The following SAA4 variants were observed in gnomAD, a reference collection of about 807,000 sequenced individuals.
SAA4 encodes the protein serum amyloid A4, constitutive.
SAA4 carries 8 observed loss-of-function variants against 11.2 expected under a neutral mutation model. The observed-to-expected ratio is 0.71, with a 90% confidence interval of 0.42 to 1.29. The LOEUF (loss-of-function observed/expected upper bound fraction) is 1.29. Ranked by LOEUF, SAA4 falls within the 50% of genes most tolerant of loss-of-function variation. The pLI is 0.01. For missense variants in SAA4, 171 were observed against 164.2 expected, an observed-to-expected ratio of 1.04 and a Z score of -0.23; for synonymous variants, 60 against 56.2, an observed-to-expected ratio of 1.07 and a Z score of -0.30.
At chr11:18,231,876 CTTTTTTTT>C (rs35974284) in intron 3 of SAA4, among the ~76,000 whole-genome samples, 1 of 70,672 alleles carries the variant, frequency 1.4e-5, no homozygotes, top group Non-Finnish European at 2.9e-5. Context: ...AGTGCTTTCC[CTTTTTTTT>C]TTTTTTTTTT....
intron 1 of SAA4, among the ~76,000 whole-genome samples, chr11:18,236,275 C>T (rs1857210279): frequency 6.7e-6 from 1 of 149,972 alleles, no homozygotes; most frequent in African/African-American, 2.5e-5. Flanking sequence ...TATGTTCGGC[C>T]CAGGCTAGTC....
intron 2 of SAA4, among the ~76,000 whole-genome samples, chr11:18,234,714 C>T (rs1857185459): frequency 6.6e-6 from 1 of 152,226 alleles, no homozygotes; most frequent in African/African-American, 2.4e-5. Flanking sequence ...TTATCTCTGG[C>T]ATGGCATGAC....
rs377121580 is a variant in SAA4, at chr11:18,235,920, G to A, written c.7C>T (p.Leu3Phe). The A allele has an allele frequency of 1.1e-5, 17 of 1,612,618 alleles. 1 individual carries two copies. In the South Asian group the frequency reaches 1.9e-4, roughly 18 times the overall value. The stretch of plus-strand genomic sequence containing the variant: ...GAGCAGAAAACAATGCCTGTGAAAA[G>A]CCTCATTGTGCTGAAGAGAAAGAAA... MR[L>F]FTGIVFCSLV... The change falls in exon 2 of 4, where the codon CTT (leucine) becomes TTT (phenylalanine). Residue 3 changes from leucine (L) to phenylalanine (F), a missense_variant. Physicochemically the swap from Leu to Phe is conservative, Grantham distance 22. Transcript: ENST00000278222.
chr11:18,235,160 A>C (rs1564902011), intron 2 of SAA4, among the ~76,000 whole-genome samples: 1 of 152,256 alleles, frequency 6.6e-6, no homozygotes, highest in Non-Finnish European at 1.5e-5. Flanking sequence ...ATAAAATTTC[A>C]ATTGAAAAAT....
rs368143078 is a variant in SAA4 at position 18,235,821 on chromosome 11, C to T, written c.91+15G>A. 6 of 1,612,254 alleles carry T rather than the reference C, an allele frequency of 3.7e-6. No homozygotes were observed. In the African/African-American group the frequency reaches 6.7e-5, roughly 18 times the overall value. On this transcript the variant is annotated intron_variant, in intron 2 of 3. Coordinates refer to ENST00000278222, the MANE Select transcript of SAA4 (RefSeq NM_006512.4). ...GAATCCTGGGTATGTGCCCTCCATC[C>T]TCCAGAGTTCTTACCTTGGAGAGCC... is the stretch of plus-strand genomic sequence containing the variant.
chr11:18,232,288 G>T, intron 3 of SAA4, 107 bp downstream of exon 3: 1 of 1,486,714 alleles, frequency 6.7e-7, no homozygotes, highest in South Asian at 1.4e-5. Flanking sequence ...CAGCCACCCA[G>T]ACCCCAGGAG....
intron 2 of SAA4, among the ~76,000 whole-genome samples, chr11:18,233,570 G>A (rs952376112): frequency 6.6e-6 from 1 of 152,074 alleles, no homozygotes; most frequent in Non-Finnish European, 1.5e-5. Context: ...GGAGTGCAGT[G>A]GTGTGATCAT....
intron 2 of SAA4, among the ~76,000 whole-genome samples, chr11:18,232,788 T>G (rs1190268402): frequency 6.6e-6 from 1 of 152,146 alleles, no homozygotes; most frequent in Non-Finnish European, 1.5e-5. Context: ...GGTCTGTGTG[T>G]GCTGTGTACA....
chr11:18,231,677 G>T lies in SAA4; in HGVS notation c.231-13C>A. On this transcript the variant is annotated splice_polypyrimidine_tract_variant and intron_variant, in intron 3 of 3. Coordinates refer to ENST00000278222, the MANE Select transcript of SAA4 (RefSeq NM_006512.4). Reference sequence around the variant, plus strand: ...GACCCTGGAACGGCTGCAACCCAAAGAAAGGAGACAGGAGATTAATCTCTT... The same window carrying T: ...GACCCTGGAACGGCTGCAACCCAAATAAAGGAGACAGGAGATTAATCTCTT... The T allele has an allele frequency of 6.2e-7, 1 of 1,606,392 alleles. No homozygotes were observed. The highest frequency in any genetic ancestry group is 1.1e-5 in the South Asian group (1 of 89,986).
chr11:18,236,537 A>G (rs1407764295), intron 1 of SAA4, among the ~76,000 whole-genome samples, 180 bp downstream of exon 1: 1 of 152,208 alleles, frequency 6.6e-6, no homozygotes, highest in Non-Finnish European at 1.5e-5. Flanking sequence ...TCAATTTGTC[A>G]CCCAATACAG....
Position 18,231,461 on chromosome 11 carries a change from G to T in SAA4, c.*41C>A. ...CCCTGTCTGGGGGGAGAAGTGTGTG[G>T]CTCACAGCCCAGTTTCCCTGAGAGC... On this transcript the variant is annotated 3_prime_UTR_variant, in exon 4 of 4. Coordinates refer to ENST00000278222, the MANE Select transcript of SAA4 (RefSeq NM_006512.4). 1.9e-6 allele frequency: 3 copies of T among 1,595,140 alleles called. No homozygotes were observed. Among genetic ancestry groups the T allele is most frequent in the Non-Finnish European group, 2.6e-6 (3 of 1,172,434 alleles).
At chr11:18,233,295 G>A (rs1590005393) in intron 2 of SAA4, among the ~76,000 whole-genome samples, 1 of 152,080 alleles carries the variant, frequency 6.6e-6, no homozygotes, top group Non-Finnish European at 1.5e-5. Context: ...CCTCCCTGGT[G>A]GACTAAATGA....
At chr11:18,231,816 A>T in intron 3 of SAA4, 152 bp from the exon 4 acceptor site, 1 of 987,074 alleles carries the variant, frequency 1.0e-6, no homozygotes, top group Non-Finnish European at 1.4e-6. Flanking sequence ...AAAACTATCA[A>T]TCTTCTTGGG....
chr11:18,232,336 C>T, intron 3 of SAA4, 59 bp downstream of exon 3: 1 of 1,587,718 alleles, frequency 6.3e-7, no homozygotes. Flanking sequence ...GTTCTCCTGA[C>T]TCTCAAGACA....
At chr11:18,231,692 A>G (rs1409766270) in intron 3 of SAA4, 28 bp from the exon 4 acceptor site, 5 of 1,597,100 alleles carry the variant, frequency 3.1e-6, no homozygotes, top group Non-Finnish European at 3.4e-6. Flanking sequence ...GAGACAGGAG[A>G]TTAATCTCTT....
At chr11:18,236,078 CTTTT>C (rs536302019) in intron 1 of SAA4, 148 bp from the exon 2 acceptor site, 1 of 784,322 alleles carries the variant, frequency 1.3e-6, no homozygotes, top group Non-Finnish European at 1.9e-6. Context: ...TTCTTTCTTT[CTTTT>C]TTTTTTCCTA....
intron 2 of SAA4, among the ~76,000 whole-genome samples, chr11:18,234,967 A>G (rs1857188776): frequency 6.6e-6 from 1 of 152,208 alleles, no homozygotes; most frequent in East Asian, 1.9e-4. Context: ...GTACTTTTAA[A>G]ACAAACACCG....
Position 18,232,390 on chromosome 11 carries a change from G to A in SAA4, c.230+5C>T. On this transcript the variant is annotated splice_donor_5th_base_variant and intron_variant, in intron 3 of 3. Coordinates refer to ENST00000278222, the MANE Select transcript of SAA4 (RefSeq NM_006512.4). ...CTCACTGGAGTCCCCGGGAATCTGT[G>A]TTACCTGATGAGTTTAGCAGCCCAG... The A allele has an allele frequency of 6.2e-7, 1 of 1,613,888 alleles. No individual in the cohort carries two copies. The highest frequency in any genetic ancestry group is 8.5e-7 in the Non-Finnish European group (1 of 1,179,938).
At position 18,235,999 on chromosome 11, in the gene SAA4, A is replaced by ATT. The variant is rs781765033; in HGVS notation, c.-4-71_-4-70dup. The ATT allele has an allele frequency of 1.4e-3, 1,979 of 1,394,008 alleles. 3 individuals carry two copies. Among genetic ancestry groups the ATT allele is most frequent in the South Asian group, 2.0e-3 (144 of 73,396 alleles). 86.4% of individuals were successfully genotyped at this position (1,394,008 alleles called of 1,614,324 possible). Reference sequence around the variant, plus strand: ...CACAGATCTATGTTTTGAGGACTGAATTTCTTTCCTTTTTTTCTTTCTTTT... The same window carrying ATT: ...CACAGATCTATGTTTTGAGGACTGAATTTTTCTTTCCTTTTTTTCTTTCTTTT... On this transcript the variant is annotated intron_variant, in intron 1 of 3. Coordinates refer to ENST00000278222, the MANE Select transcript of SAA4 (RefSeq NM_006512.4).
Sources: allele counts gnomAD v4.1 joint callset (sites outside exome capture counted in the v4.1 genomes callset), GRCh38; gene constraint gnomAD v4.1.1; transcripts MANE v1.5; gene names NCBI Gene and HGNC (gene_info 2026-07-23, HGNC 2026-07-21).